Variants in SMAP1 observed in about 807,000 individuals in gnomAD.
The protein encoded by SMAP1 is stromal membrane-associated protein 1.
SMAP1 carries 24 observed loss-of-function variants against 58.5 expected under a neutral mutation model. The ratio of observed to expected loss-of-function variants is 0.41; its 90% CI spans 0.30 to 0.58. The LOEUF is 0.58. Ranked by LOEUF, SMAP1 falls within the 20% of genes least tolerant of loss-of-function variation. The pLI, the probability that SMAP1 is intolerant of heterozygous loss-of-function variation, is 0.29. For missense variants in SMAP1, 563 were observed against 566.3 expected (o/e 0.99, Z 0.06); for synonymous variants, 216 against 196.6 (o/e 1.10, Z -0.82).
At chr6:70,668,738 T>G (rs1331746774) in intron 1 of SMAP1, 4 of 1,535,672 alleles carry the variant, frequency 2.6e-6, no homozygotes, top group Non-Finnish European at 2.6e-6. Context: ...TTTTACGGAA[T>G]AAATTAATTG....
intron 3 of SMAP1, among the ~76,000 whole-genome samples, chr6:70,769,403 C>T (rs1767165584): frequency 1.3e-5 from 2 of 152,126 alleles, no homozygotes; most frequent in Non-Finnish European, 2.9e-5. Flanking sequence ...TTTTGTAGGT[C>T]ACTCAGGACT....
intron 2 of SMAP1, among the ~76,000 whole-genome samples, chr6:70,741,044 G>A (rs1196352690): frequency 5.9e-5 from 9 of 152,122 alleles, no homozygotes; most frequent in African/African-American, 2.2e-4. Context: ...ACAACACATG[G>A]GAATTATGGG....
chr6:70,776,396 G>A (rs540877847), intron 4 of SMAP1, among the ~76,000 whole-genome samples: 12 of 152,254 alleles, frequency 7.9e-5, no homozygotes, highest in African/African-American at 2.2e-4. Flanking sequence ...GGCCAGGATG[G>A]TCTCGATCTC....
chr6:70,744,383 C>A (rs1459976055), intron 2 of SMAP1, among the ~76,000 whole-genome samples: 1 of 152,018 alleles, frequency 6.6e-6, no homozygotes, highest in Non-Finnish European at 1.5e-5. Flanking sequence ...TCCAGGTGAT[C>A]TCATTGTTCA....
chr6:70,702,539 A>G (rs1767675401), intron 1 of SMAP1, among the ~76,000 whole-genome samples: 1 of 152,158 alleles, frequency 6.6e-6, no homozygotes, highest in African/African-American at 2.4e-5. Flanking sequence ...TGCATCTTAT[A>G]GAAGTTTGAT....
At chr6:70,827,819 A>T (rs1166553523) in intron 6 of SMAP1, among the ~76,000 whole-genome samples, 1 of 152,222 alleles carries the variant, frequency 6.6e-6, no homozygotes, top group African/African-American at 2.4e-5. Flanking sequence ...GAGAACATTT[A>T]CTGAAAGATG....
intron 8 of SMAP1, among the ~76,000 whole-genome samples, chr6:70,853,919 T>C (rs770372808): frequency 2.0e-5 from 3 of 152,230 alleles, no homozygotes; most frequent in South Asian, 2.1e-4. Flanking sequence ...GCGGCTGTTA[T>C]ACCTGCTAGA....
At position 70,791,777 on chromosome 6, in the gene SMAP1, C is replaced by T. The variant is rs747056974; in HGVS notation, c.495+8C>T. 6 of 1,608,676 alleles carry T rather than the reference C, an allele frequency of 3.7e-6. No individual in the cohort carries two copies. The highest frequency in any genetic ancestry group is 3.3e-5 in the South Asian group (3 of 90,830). On this transcript the variant is annotated splice_region_variant and intron_variant, in intron 5 of 10. Transcript: ENST00000370455. ...GACAAAAATAAATTGGAGGTATGGT[C>T]ATGTTTTAACCAGCTACATTATGTA...
intron 3 of SMAP1, among the ~76,000 whole-genome samples, chr6:70,772,139 A>C (rs1172923951): frequency 3.3e-5 from 5 of 152,144 alleles, no homozygotes; most frequent in Admixed American, 2.0e-4. Flanking sequence ...AGAAAACCCA[A>C]GTAGGTAGGG....
intron 1 of SMAP1, among the ~76,000 whole-genome samples, chr6:70,676,613 C>T (rs1257495908): frequency 1.3e-5 from 2 of 152,134 alleles, no homozygotes; most frequent in Non-Finnish European, 1.5e-5. Context: ...CTGTCACCTT[C>T]GGCTAACTTA....
At chr6:70,859,110 G>C (rs1771577687) in intron 10 of SMAP1, 2 of 422,642 alleles carry the variant, frequency 4.7e-6, no homozygotes, top group East Asian at 4.0e-5. Context: ...GAATAGTCTA[G>C]AGTGATTTCT....
At chr6:70,773,497 T>C in intron 4 of SMAP1, 72 bp downstream of exon 4, 2 of 796,228 alleles carry the variant, frequency 2.5e-6, no homozygotes, top group Non-Finnish European at 3.9e-6. Context: ...CAATACAGCT[T>C]AATTTATTTA....
rs41265359 is a variant in SMAP1 at position 70,755,083 on chromosome 6, T to C, written c.338+18T>C. Reference sequence around the variant, plus strand: ...ACAGATCAGTATCCTTTAAAACTTATTTGTTTTGAGTTTAAAAAACATTAA... The same window carrying C: ...ACAGATCAGTATCCTTTAAAACTTACTTGTTTTGAGTTTAAAAAACATTAA... On this transcript the variant is annotated intron_variant, in intron 3 of 10. Coordinates refer to ENST00000370455, the MANE Select transcript of SMAP1 (RefSeq NM_001044305.3). 0.033 allele frequency: 51,841 copies of C among 1,574,546 alleles called. 1,024 individuals are homozygous for C. The highest frequency in any genetic ancestry group is 0.039 in the Non-Finnish European group (45,533 of 1,153,856).
rs199755287 is a variant in SMAP1 at position 70,801,872 on chromosome 6, ATC to A, written c.576+3141_576+3142del. On this transcript the variant is annotated intron_variant, in intron 6 of 10. Transcript: ENST00000370455. ...GGCTTCTGTTCTGTTCCATTGGTCT[ATC>A]TCTCTGTTTTGGTACCAGCAACATG... Among the ~76,000 whole-genome samples the A allele has an allele frequency of 8.5e-4, 129 of 152,220 alleles. 1 individual carries two copies. In the East Asian group the frequency reaches 0.019, roughly 22 times the overall value.
At chr6:70,746,996 C>T (rs1232208249) in intron 2 of SMAP1, among the ~76,000 whole-genome samples, 2 of 152,166 alleles carry the variant, frequency 1.3e-5, no homozygotes, top group Non-Finnish European at 2.9e-5. Flanking sequence ...ATGTATGTAT[C>T]AGTCATCTAG....
intron 1 of SMAP1, among the ~76,000 whole-genome samples, chr6:70,707,924 A>G (rs1355270165): frequency 6.6e-6 from 1 of 152,208 alleles, no homozygotes; most frequent in East Asian, 1.9e-4. Context: ...ACAAATCAAC[A>G]TATCCACCAC....
chr6:70,769,607 A>G (rs1767178272), intron 3 of SMAP1, among the ~76,000 whole-genome samples: 1 of 152,054 alleles, frequency 6.6e-6, no homozygotes, highest in African/African-American at 2.4e-5. Context: ...TTTGCTTGGT[A>G]GATCTTCCTC....
chr6:70,857,143 T>C, intron 9 of SMAP1, 113 bp downstream of exon 9: 1 of 1,082,978 alleles, frequency 9.2e-7, no homozygotes, highest in Non-Finnish European at 1.2e-6. Flanking sequence ...AGTGCTTTTG[T>C]TGTTGCAGTT....
intron 6 of SMAP1, among the ~76,000 whole-genome samples, chr6:70,824,787 G>A (rs1317922222): frequency 6.6e-6 from 1 of 152,128 alleles, no homozygotes; most frequent in African/African-American, 2.4e-5. Context: ...TTACCGATGA[G>A]GAAAGGAAAA....
Sources: allele counts gnomAD v4.1 joint callset (sites outside exome capture counted in the v4.1 genomes callset), GRCh38; gene constraint gnomAD v4.1.1; transcripts MANE v1.5; gene names NCBI Gene and HGNC (gene_info 2026-07-23, HGNC 2026-07-21).